Variants in STARD13 observed in about 807,000 individuals in gnomAD.
The protein encoded by STARD13 is stAR-related lipid transfer protein 13.
STARD13 carries 62 observed loss-of-function variants against 106.4 expected under a neutral mutation model. The observed-to-expected ratio is 0.58, with a 90% CI of 0.48 to 0.72. The LOEUF (loss-of-function observed/expected upper bound fraction) is 0.72, where lower values mean the gene tolerates loss of function less well. Ranked by LOEUF, STARD13 falls within the 30% of genes least tolerant of loss-of-function variation. The pLI, the probability that STARD13 is intolerant of heterozygous loss-of-function variation, is 0.00. For synonymous variants in STARD13, 565 were observed against 553.0 expected, an observed-to-expected ratio of 1.02 and a Z score of -0.31; for missense variants, 1,387 against 1,424.0, an observed-to-expected ratio of 0.97 and a Z score of 0.42.
the STARD13 span, among the ~76,000 whole-genome samples, chr13:33,368,192 G>C: frequency 6.6e-6 from 1 of 152,184 alleles, no homozygotes; most frequent in East Asian, 1.9e-4. Flanking sequence ...AATGTGTCCC[G>C]AGCTAGGTCA....
At chr13:33,538,814 G>T in the STARD13 span, among the ~76,000 whole-genome samples, 2 of 150,314 alleles carry the variant, frequency 1.3e-5, no homozygotes, top group Non-Finnish European at 3.0e-5. Context: ...CTGTGACCCA[G>T]GCTGGAGTGC....
the STARD13 span, among the ~76,000 whole-genome samples, chr13:33,370,607 C>T: frequency 2.1e-5 from 3 of 145,444 alleles, no homozygotes; most frequent in Admixed American, 6.7e-5. Flanking sequence ...TCTTTTCTTT[C>T]TTTCTTTCTT....
chr13:33,283,119 G>C (rs528305568), intron 1 of STARD13, among the ~76,000 whole-genome samples: 4 of 152,278 alleles, frequency 2.6e-5, no homozygotes, highest in East Asian at 3.9e-4. Flanking sequence ...AAAACATGTA[G>C]CACTTTGTTT....
At chr13:33,607,798 ATAAC>A in the STARD13 span, among the ~76,000 whole-genome samples, 1 of 152,268 alleles carries the variant, frequency 6.6e-6, no homozygotes, top group African/African-American at 2.4e-5. Flanking sequence ...TTGCATTACA[ATAAC>A]TAAGCAACAA....
the STARD13 span, among the ~76,000 whole-genome samples, chr13:33,526,966 A>G: frequency 2.0e-5 from 3 of 152,144 alleles, no homozygotes; most frequent in Non-Finnish European, 2.9e-5. Flanking sequence ...TAGAACCATT[A>G]CAAATGGGGA....
chr13:33,582,676 G>A, the STARD13 span, among the ~76,000 whole-genome samples: 3 of 152,160 alleles, frequency 2.0e-5, no homozygotes, highest in Non-Finnish European at 4.4e-5. Context: ...TTCCTCCTGA[G>A]TTGTTCTGGA....
At chr13:33,171,112 C>CT (rs1392690971) in intron 1 of STARD13, among the ~76,000 whole-genome samples, 1 of 152,156 alleles carries the variant, frequency 6.6e-6, no homozygotes, top group Non-Finnish European at 1.5e-5. Context: ...GTGAAAAACT[C>CT]TTTTTTATTG....
chr13:33,499,683 T>TTC, the STARD13 span, among the ~76,000 whole-genome samples: 1 of 137,462 alleles, frequency 7.3e-6, no homozygotes. Context: ...CTTCTTCCTC[T>TTC]TTCTCTTCTT....
the STARD13 span, among the ~76,000 whole-genome samples, chr13:33,434,074 C>T: frequency 6.6e-6 from 1 of 152,082 alleles, no homozygotes; most frequent in Non-Finnish European, 1.5e-5. Flanking sequence ...AACAAGAGGC[C>T]AGGCGCTGTG....
chr13:33,413,856 A>G, the STARD13 span, among the ~76,000 whole-genome samples: 3 of 151,576 alleles, frequency 2.0e-5, no homozygotes, highest in African/African-American at 4.9e-5. Flanking sequence ...ATACGGTAAA[A>G]CCCCCATCTC....
At chr13:33,389,452 G>C in the STARD13 span, among the ~76,000 whole-genome samples, 1 of 152,078 alleles carries the variant, frequency 6.6e-6, no homozygotes, top group East Asian at 1.9e-4. Context: ...AGGAGCGAGG[G>C]AGTGAGCTGG....
At chr13:33,362,375 C>T in the STARD13 span, among the ~76,000 whole-genome samples, 347 of 152,322 alleles carry the variant, frequency 2.3e-3, 1 homozygote, top group African/African-American at 7.8e-3. Flanking sequence ...CCATTCACCT[C>T]CCACCAGGCT....
At chr13:33,165,486 C>T in intron 2 of STARD13, 68 bp from the exon 3 acceptor site, 1 of 1,215,854 alleles carries the variant, frequency 8.2e-7, no homozygotes, top group Non-Finnish European at 1.2e-6. Context: ...ATATTCAGAC[C>T]TTCAAGGTCT....
the STARD13 span, among the ~76,000 whole-genome samples, chr13:33,374,237 A>G: frequency 1.6e-4 from 24 of 152,340 alleles, no homozygotes; most frequent in East Asian, 4.4e-3. Context: ...TAGAGTTGTC[A>G]AATTCATACA....
the STARD13 span, among the ~76,000 whole-genome samples, chr13:33,609,212 T>C: frequency 6.6e-6 from 1 of 151,790 alleles, no homozygotes; most frequent in South Asian, 2.1e-4. Context: ...GGAAAATGTG[T>C]AGAAACCACA....
chr13:33,354,135 T>C (rs985456621), upstream of STARD13, among the ~76,000 whole-genome samples: 1 of 152,178 alleles, frequency 6.6e-6, no homozygotes, highest in African/African-American at 2.4e-5. Flanking sequence ...AACACCTCCA[T>C]ACATCCTATG....
chr13:33,229,888 A>T (rs1057453849), intron 1 of STARD13, among the ~76,000 whole-genome samples: 1 of 152,114 alleles, frequency 6.6e-6, no homozygotes, highest in Non-Finnish European at 1.5e-5. Context: ...GTTAAACCTT[A>T]ATGGGTTCAC....
intron 1 of STARD13, among the ~76,000 whole-genome samples, chr13:33,339,263 A>T (rs1015010345): frequency 7.2e-5 from 11 of 152,044 alleles, no homozygotes; most frequent in African/African-American, 2.7e-4. Flanking sequence ...TGTAGCTTTG[A>T]CTCCAGTAGC....
At chr13:33,291,465 C>T (rs1290266837) in intron 1 of STARD13, among the ~76,000 whole-genome samples, 1 of 152,210 alleles carries the variant, frequency 6.6e-6, no homozygotes, top group East Asian at 1.9e-4. Context: ...TGGCCAAGCA[C>T]AGTAGTACAT....
Sources: allele counts gnomAD v4.1 joint callset (sites outside exome capture counted in the v4.1 genomes callset), GRCh38; gene constraint gnomAD v4.1.1; transcripts MANE v1.5; gene names NCBI Gene and HGNC (gene_info 2026-07-23, HGNC 2026-07-21).